The following MYO1B variants were observed in gnomAD, a reference collection of about 807,000 sequenced individuals.
MYO1B encodes unconventional myosin-Ib.
In MYO1B, 72 loss-of-function variants were observed where a neutral mutation model predicts 159.7. The ratio of observed to expected loss-of-function variants is 0.45; its 90% CI spans 0.37 to 0.55. The LOEUF is 0.55. MYO1B is among the 20% of genes least tolerant of loss of function. The pLI is 0.00. For synonymous variants in MYO1B, 468 were observed against 473.8 expected, an observed-to-expected ratio of 0.99 and a Z score of 0.16; for missense variants, 1,062 against 1,364.8, an observed-to-expected ratio of 0.78 and a Z score of 3.50.
intron 30 of MYO1B, among the ~76,000 whole-genome samples, chr2:191,420,215 A>G (rs1252374749): frequency 2.0e-5 from 3 of 152,168 alleles, no homozygotes; most frequent in Admixed American, 2.0e-4. Flanking sequence ...AAACAAAACA[A>G]AAGTGTCAAA....
chr2:191,287,784 CTT>C (rs761240488), intron 2 of MYO1B, among the ~76,000 whole-genome samples: 1 of 152,066 alleles, frequency 6.6e-6, no homozygotes, highest in Admixed American at 6.5e-5. Context: ...CCCCCACTGA[CTT>C]TTCACTTCAA....
At chr2:191,345,072 C>T (rs1692481395) in intron 5 of MYO1B, among the ~76,000 whole-genome samples, 1 of 152,128 alleles carries the variant, frequency 6.6e-6, no homozygotes, top group Non-Finnish European at 1.5e-5. Context: ...ATGGAGACCT[C>T]TAGAGATTTG....
intron 26 of MYO1B, among the ~76,000 whole-genome samples, chr2:191,410,388 C>T (rs980443968): frequency 2.6e-5 from 4 of 152,148 alleles, no homozygotes; most frequent in East Asian, 1.9e-4. Flanking sequence ...TAGGAATGCT[C>T]ATCTAAAAAA....
At chr2:191,386,487 T>G (rs930036193) in intron 16 of MYO1B, among the ~76,000 whole-genome samples, 1 of 146,964 alleles carries the variant, frequency 6.8e-6, no homozygotes, top group Non-Finnish European at 1.5e-5. Flanking sequence ...GATTTTGAAA[T>G]GACATTAGGG....
At chr2:191,360,556 A>G (rs1693597241) in intron 7 of MYO1B, 75 bp from the exon 8 acceptor site, 2 of 880,722 alleles carry the variant, frequency 2.3e-6, no homozygotes, top group Admixed American at 4.9e-5. Flanking sequence ...GAAAAAAGAA[A>G]GTGAGAAGGA....
chr2:191,360,315 A>G (rs1693580556), intron 7 of MYO1B, among the ~76,000 whole-genome samples: 1 of 152,246 alleles, frequency 6.6e-6, no homozygotes, highest in African/African-American at 2.4e-5. Context: ...TTACATTTGT[A>G]ACGTCACATT....
intron 3 of MYO1B, among the ~76,000 whole-genome samples, chr2:191,324,510 A>G (rs1469419018): frequency 6.6e-6 from 1 of 152,062 alleles, no homozygotes; most frequent in East Asian, 1.9e-4. Context: ...AAACCTTCCA[A>G]CCATTTAGGT....
intron 4 of MYO1B, among the ~76,000 whole-genome samples, chr2:191,339,177 C>T (rs925597204): frequency 6.6e-6 from 1 of 152,060 alleles, no homozygotes; most frequent in Non-Finnish European, 1.5e-5. Flanking sequence ...TAGATAGCAC[C>T]GGATGTTAGG....
chr2:191,375,920 C>A (rs997347338), intron 13 of MYO1B, among the ~76,000 whole-genome samples: 36 of 151,158 alleles, frequency 2.4e-4, no homozygotes, highest in African/African-American at 8.3e-4. Context: ...GATTACACCA[C>A]TGCACTCCAG....
chr2:191,381,379 A>T (rs776612717), intron 13 of MYO1B, 83 bp from the exon 14 acceptor site: 3 of 975,536 alleles, frequency 3.1e-6, no homozygotes, highest in South Asian at 2.6e-5. Context: ...GGCATTTCTC[A>T]TGGATTGAGA....
intron 13 of MYO1B, among the ~76,000 whole-genome samples, chr2:191,379,888 G>T (rs1218696645): frequency 6.6e-6 from 1 of 152,146 alleles, no homozygotes; most frequent in East Asian, 1.9e-4. Flanking sequence ...AATTGAAATT[G>T]TTAGCTCTGC....
At chr2:191,285,466 C>T (rs1476524965) in intron 2 of MYO1B, among the ~76,000 whole-genome samples, 5 of 152,126 alleles carry the variant, frequency 3.3e-5, no homozygotes, top group Non-Finnish European at 7.4e-5. Flanking sequence ...GTTTGCGGGA[C>T]GTCCTGGCCT....
At chr2:191,366,897 C>G (rs147369530) in intron 11 of MYO1B, among the ~76,000 whole-genome samples, 2 of 151,836 alleles carry the variant, frequency 1.3e-5, no homozygotes, top group East Asian at 3.9e-4. Flanking sequence ...CACCTGTCCT[C>G]TGCTTGTTTC....
At chr2:191,344,124 A>G (rs776645039) in intron 5 of MYO1B, among the ~76,000 whole-genome samples, 1 of 152,162 alleles carries the variant, frequency 6.6e-6, no homozygotes, top group Non-Finnish European at 1.5e-5. Context: ...TTATGCATCA[A>G]CATCTCTAGT....
chr2:191,407,010 A>C (rs534162749), intron 24 of MYO1B, among the ~76,000 whole-genome samples: 168 of 152,150 alleles, frequency 1.1e-3, no homozygotes, highest in African/African-American at 3.8e-3. Flanking sequence ...AAGCAAAGGG[A>C]CTCGTGTAGT....
intron 30 of MYO1B, among the ~76,000 whole-genome samples, chr2:191,419,995 G>A (rs1697836911): frequency 6.6e-6 from 1 of 152,048 alleles, no homozygotes; most frequent in Non-Finnish European, 1.5e-5. Context: ...GAGCTTAGGA[G>A]TTCAATACCA....
chr2:191,281,439 G>A (rs1688054304), intron 2 of MYO1B, among the ~76,000 whole-genome samples: 2 of 152,308 alleles, frequency 1.3e-5, no homozygotes, highest in South Asian at 2.1e-4. Flanking sequence ...TGCAGGACAT[G>A]CTGTTTGGTC....
intron 1 of MYO1B, among the ~76,000 whole-genome samples, chr2:191,261,756 A>C (rs557580620): frequency 1.3e-5 from 2 of 152,282 alleles, no homozygotes; most frequent in South Asian, 4.2e-4. Flanking sequence ...ACTGTTCTTT[A>C]AATAAATTGG....
intron 2 of MYO1B, among the ~76,000 whole-genome samples, chr2:191,294,350 A>C (rs1175519985): frequency 1.3e-5 from 2 of 152,204 alleles, no homozygotes; most frequent in African/African-American, 4.8e-5. Context: ...TGTATTCAAG[A>C]AAAAGGGAGA....
Sources: allele counts gnomAD v4.1 joint callset (sites outside exome capture counted in the v4.1 genomes callset), GRCh38; gene constraint gnomAD v4.1.1; transcripts MANE v1.5; gene names NCBI Gene and HGNC (gene_info 2026-07-23, HGNC 2026-07-21).